The following CACNA2D3 variants were observed in gnomAD, a reference collection of about 807,000 sequenced individuals.
The protein encoded by CACNA2D3 is calcium voltage-gated channel auxiliary subunit alpha2delta 3, also known as voltage-dependent calcium channel subunit alpha-2/delta-3.
In CACNA2D3, 60 loss-of-function variants were observed where a neutral mutation model predicts 160.6. The observed-to-expected ratio is 0.37, with a 90% CI of 0.30 to 0.46. The LOEUF (loss-of-function observed/expected upper bound fraction) is 0.46. CACNA2D3 is among the 20% of genes least tolerant of loss of function. The pLI is 1.00. For missense variants in CACNA2D3, 1,205 were observed against 1,365.0 expected, an observed-to-expected ratio of 0.88 and a Z score of 1.85; for synonymous variants, 558 against 492.9, an observed-to-expected ratio of 1.13 and a Z score of -1.75.
intron 34 of CACNA2D3, 95 bp downstream of exon 34, chr3:55,009,538 T>C: frequency 1.7e-6 from 2 of 1,160,836 alleles, no homozygotes; most frequent in Non-Finnish European, 2.6e-6. Flanking sequence ...TCACAGAAAA[T>C]TCCCCAGGAC....
chr3:54,654,492 T>G (rs2106869995), intron 11 of CACNA2D3, among the ~76,000 whole-genome samples: 1 of 152,112 alleles, frequency 6.6e-6, no homozygotes, highest in African/African-American at 2.4e-5. Flanking sequence ...AAAAGATAAC[T>G]CTAGGTTTTC....
intron 3 of CACNA2D3, among the ~76,000 whole-genome samples, chr3:54,329,547 A>G (rs945787240): frequency 7.2e-5 from 11 of 152,172 alleles, no homozygotes; most frequent in Admixed American, 5.9e-4. Context: ...TGGCACCAAG[A>G]TGTTTGTCCC....
At chr3:54,224,362 ATTGT>A (rs1559887599) in intron 2 of CACNA2D3, among the ~76,000 whole-genome samples, 1 of 152,168 alleles carries the variant, frequency 6.6e-6, no homozygotes, top group Admixed American at 6.5e-5. Flanking sequence ...CACTAACATC[ATTGT>A]TTATTACCAT....
At chr3:54,891,966 T>G (rs1278568835) in intron 25 of CACNA2D3, among the ~76,000 whole-genome samples, 1 of 152,104 alleles carries the variant, frequency 6.6e-6, no homozygotes, top group Non-Finnish European at 1.5e-5. Context: ...ATGCTGGGGT[T>G]TGACAGTGTC....
chr3:54,498,846 A>G (rs1197994922), intron 4 of CACNA2D3, among the ~76,000 whole-genome samples: 1 of 152,074 alleles, frequency 6.6e-6, no homozygotes, highest in Non-Finnish European at 1.5e-5. Flanking sequence ...TGTATTATTA[A>G]TAAGTATTTT....
intron 35 of CACNA2D3, among the ~76,000 whole-genome samples, chr3:55,066,846 C>T (rs1046082332): frequency 1.6e-4 from 25 of 152,126 alleles, no homozygotes; most frequent in Admixed American, 2.6e-4. Context: ...CCCTCCTCGC[C>T]TTTTTTGGCC....
intron 27 of CACNA2D3, among the ~76,000 whole-genome samples, chr3:54,923,194 A>C (rs1323214821): frequency 1.1e-4 from 16 of 152,098 alleles, no homozygotes; most frequent in Non-Finnish European, 2.9e-5. Flanking sequence ...TCTCACTTAA[A>C]GTCCAAGCAT....
At chr3:54,697,457 G>A (rs1700685533) in intron 11 of CACNA2D3, among the ~76,000 whole-genome samples, 1 of 152,154 alleles carries the variant, frequency 6.6e-6, no homozygotes, top group South Asian at 2.1e-4. Flanking sequence ...GAACTTTAGA[G>A]CATCAGCTTT....
chr3:54,870,092 G>A (rs1008135677), intron 17 of CACNA2D3, among the ~76,000 whole-genome samples: 3 of 152,242 alleles, frequency 2.0e-5, no homozygotes, highest in Admixed American at 6.5e-5. Flanking sequence ...CAGAGAGGTC[G>A]CAGAGTTCCT....
At chr3:54,523,307 G>A (rs552358252) in intron 5 of CACNA2D3, among the ~76,000 whole-genome samples, 1 of 152,022 alleles carries the variant, frequency 6.6e-6, no homozygotes, top group Non-Finnish European at 1.5e-5. Context: ...TGATCATGTG[G>A]CTTTTGTTTT....
chr3:54,901,169 G>A (rs920466019), intron 27 of CACNA2D3: 3 of 152,220 alleles, frequency 2.0e-5, no homozygotes, highest in African/African-American at 7.2e-5. Flanking sequence ...CTCCAGGCTG[G>A]TCCAGCGAGC....
intron 4 of CACNA2D3, among the ~76,000 whole-genome samples, chr3:54,477,964 T>C (rs1700859704): frequency 6.6e-6 from 1 of 152,202 alleles, no homozygotes; most frequent in Non-Finnish European, 1.5e-5. Context: ...TCTGACAACC[T>C]CAGGAGGAAA....
At chr3:54,840,183 A>G (rs1342464030) in intron 16 of CACNA2D3, among the ~76,000 whole-genome samples, 1 of 152,098 alleles carries the variant, frequency 6.6e-6, no homozygotes, top group East Asian at 1.9e-4. Context: ...TGTCCAATAA[A>G]TCAAGAAAGA....
chr3:54,285,758 AT>A (rs1413078822), intron 2 of CACNA2D3, among the ~76,000 whole-genome samples: 1 of 152,158 alleles, frequency 6.6e-6, no homozygotes, highest in Non-Finnish European at 1.5e-5. Flanking sequence ...AGGCAGCAGC[AT>A]TTGCGGTTCA....
intron 11 of CACNA2D3, among the ~76,000 whole-genome samples, chr3:54,716,111 AACAC>A (rs1170123825): frequency 2.6e-5 from 4 of 152,202 alleles, no homozygotes; most frequent in Non-Finnish European, 5.9e-5. Context: ...TTAAAATAAA[AACAC>A]AAACTTTATT....
At chr3:54,549,676 C>G (rs563674045) in intron 5 of CACNA2D3, among the ~76,000 whole-genome samples, 24 of 152,338 alleles carry the variant, frequency 1.6e-4, no homozygotes, top group South Asian at 4.1e-4. Flanking sequence ...GTCCAGTCTG[C>G]GGCTTCTATG....
At chr3:54,728,138 T>G (rs965581053) in intron 11 of CACNA2D3, among the ~76,000 whole-genome samples, 1 of 152,222 alleles carries the variant, frequency 6.6e-6, no homozygotes, top group Non-Finnish European at 1.5e-5. Context: ...TCATCAGTTT[T>G]GTAAAATTTT....
At chr3:54,881,198 A>G (rs116789147) in intron 21 of CACNA2D3, among the ~76,000 whole-genome samples, 228 of 152,304 alleles carry the variant, frequency 1.5e-3, no homozygotes, top group African/African-American at 5.3e-3. Flanking sequence ...TCCCTCAAGT[A>G]TATTCTTCTC....
chr3:54,509,925 G>A (rs141385255), intron 5 of CACNA2D3, among the ~76,000 whole-genome samples: 292 of 152,346 alleles, frequency 1.9e-3, no homozygotes, highest in African/African-American at 5.7e-3. Context: ...CTGCAGAGAT[G>A]TATATGTGTG....
Sources: gnomAD v4.1 joint callset for allele counts (sites outside exome capture counted in the v4.1 genomes callset) on GRCh38, gnomAD v4.1.1 for gene constraint, MANE v1.5 for transcripts, NCBI Gene and HGNC (gene_info 2026-07-23, HGNC 2026-07-21) for gene names.